MYO1E: variants seen among roughly 807,000 people sequenced by gnomAD.
MYO1E encodes myosin IE, also known as unconventional myosin-Ie.
A neutral mutation model predicts 151.1 loss-of-function variants in MYO1E; 68 were observed. The observed-to-expected ratio is 0.45, with a 90% confidence interval of 0.37 to 0.55. MYO1E has a LOEUF of 0.55. Among genes scored for constraint, MYO1E ranks in the 20% least tolerant of loss-of-function variants. The probability of loss-of-function intolerance (pLI) is 0.00; values close to 1 mark genes in which losing one functional copy is unlikely to be tolerated. For missense variants in MYO1E, 1,363 were observed against 1,389.3 expected (o/e 0.98, Z 0.30); for synonymous variants, 601 against 501.7 (o/e 1.20, Z -2.64).
intron 27 of MYO1E, among the ~76,000 whole-genome samples, chr15:59,137,773 G>A (rs2079382012): frequency 6.6e-6 from 1 of 152,202 alleles, no homozygotes; most frequent in Non-Finnish European, 1.5e-5. Context: ...GCCCCTACCA[G>A]GTCTCATCCT....
chr15:59,240,384 G>GT (rs2080092682), intron 4 of MYO1E, among the ~76,000 whole-genome samples: 1 of 151,460 alleles, frequency 6.6e-6, no homozygotes, highest in Non-Finnish European at 1.5e-5. Context: ...GTGTCTGTGT[G>GT]TGGGGGGGGT....
chr15:59,333,860 T>C (rs187391377), intron 1 of MYO1E, among the ~76,000 whole-genome samples: 2 of 152,322 alleles, frequency 1.3e-5, no homozygotes, highest in African/African-American at 4.8e-5. Flanking sequence ...TATATCCTCA[T>C]AGGAAAGAGC....
At chr15:59,342,443 GTTTTC>G (rs370521868) in intron 1 of MYO1E, among the ~76,000 whole-genome samples, 1 of 152,230 alleles carries the variant, frequency 6.6e-6, no homozygotes, top group African/African-American at 2.4e-5. Flanking sequence ...TCTTCCCAAT[GTTTTC>G]TTTTAGTAGT....
chr15:59,364,120 A>C (rs2080900282), intron 1 of MYO1E, among the ~76,000 whole-genome samples: 1 of 152,136 alleles, frequency 6.6e-6, no homozygotes, highest in Non-Finnish European at 1.5e-5. Context: ...TGCCATGGCA[A>C]TGTCTTCTCT....
At position 59,224,704 on chromosome 15, in the gene MYO1E, C is replaced by T. The variant is rs1168188306; in HGVS notation, c.762G>A (p.Glu254=). The T allele has an allele frequency of 5.0e-6, 8 of 1,614,238 alleles. No homozygotes were observed. The highest frequency in any genetic ancestry group is 6.8e-6 in the Non-Finnish European group (8 of 1,180,042). Residue 254 remains glutamate (E), a synonymous_variant, in exon 8 of 28, where the codon GAG becomes GAA. Coordinates refer to ENST00000288235, the MANE Select transcript of MYO1E (RefSeq NM_004998.4). Reference sequence around the variant, plus strand: ...CAGCACTTACCAGAGTTTCCTGAAACTCCCGCCTGTCGTCAATGTCATCAA... The same window carrying T: ...CAGCACTTACCAGAGTTTCCTGAAATTCCCGCCTGTCGTCAATGTCATCAA... ...YKVDDIDDRR[E]FQETLHAMNV...
chr15:59,371,422 A>G (rs879677438), intron 1 of MYO1E, among the ~76,000 whole-genome samples: 52 of 131,122 alleles, frequency 4.0e-4, no homozygotes, highest in Non-Finnish European at 6.6e-4. Flanking sequence ...GAAACTATGA[A>G]GCCTTGTAAT....
chr15:59,361,440 G>A (rs983545879), intron 1 of MYO1E, among the ~76,000 whole-genome samples: 1 of 152,082 alleles, frequency 6.6e-6, no homozygotes, highest in Non-Finnish European at 1.5e-5. Context: ...CTATTGATGC[G>A]ACTGTATGTC....
chr15:59,313,750 G>A (rs2080567862), intron 1 of MYO1E, among the ~76,000 whole-genome samples: 2 of 152,156 alleles, frequency 1.3e-5, no homozygotes, highest in South Asian at 2.1e-4. Context: ...ATGCATTCAC[G>A]AAGAGAAAAA....
chr15:59,152,059 T>G, intron 26 of MYO1E, among the ~76,000 whole-genome samples: 1 of 149,772 alleles, frequency 6.7e-6, no homozygotes. Context: ...CGAGTGAGAC[T>G]CCGTCTAAAA....
At chr15:59,142,026 G>A (rs1596339193) in intron 26 of MYO1E, among the ~76,000 whole-genome samples, 1 of 151,632 alleles carries the variant, frequency 6.6e-6, no homozygotes, top group Non-Finnish European at 1.5e-5. Flanking sequence ...AGAATGGCGT[G>A]AACCAGGGAG....
At chr15:59,206,392 T>C (rs1255714067) in intron 14 of MYO1E, among the ~76,000 whole-genome samples, 12 of 152,122 alleles carry the variant, frequency 7.9e-5, no homozygotes, top group African/African-American at 2.9e-4. Flanking sequence ...TGTCCCAGGG[T>C]GGGTCCTGGC....
At chr15:59,152,732 A>G (rs36047989) in intron 26 of MYO1E, among the ~76,000 whole-genome samples, 13,389 of 152,194 alleles carry the variant, frequency 0.088, 780 homozygotes, top group Non-Finnish European at 0.13. Flanking sequence ...GCTCAGAGAG[A>G]GCAAACAGCA....
In MYO1E at chr15:59,265,383, G is replaced by A. The variant is rs546671316; in HGVS notation, c.148-3874C>T. Among the ~76,000 whole-genome samples the A allele has an allele frequency of 6.6e-5, 10 of 152,114 alleles. No homozygotes were observed. The South Asian group carries it at 2.1e-3, about 32-fold the overall frequency. ...TCAGTTGCATATGAGCTCCTAAAGT[G>A]ACCAACATTTTAAAAACTGTTAATT... On this transcript the variant is annotated intron_variant, in intron 2 of 27. Transcript: ENST00000288235.
chr15:59,251,627 T>G (rs1269765210), intron 4 of MYO1E, among the ~76,000 whole-genome samples: 1 of 152,222 alleles, frequency 6.6e-6, no homozygotes, highest in African/African-American at 2.4e-5. Context: ...GTGGAAATAT[T>G]TAGGGGTAAA....
intron 1 of MYO1E, among the ~76,000 whole-genome samples, chr15:59,314,780 C>G (rs931877971): frequency 4.7e-4 from 71 of 152,128 alleles, no homozygotes; most frequent in African/African-American, 1.7e-3. Context: ...ACCTCCACAA[C>G]AAATAACTCT....
intron 26 of MYO1E, among the ~76,000 whole-genome samples, 156 bp from the exon 27 acceptor site, chr15:59,138,523 G>A (rs2079388163): frequency 6.6e-6 from 1 of 152,212 alleles, no homozygotes; most frequent in African/African-American, 2.4e-5. Context: ...CTTTAAACTT[G>A]AGGAATAAAA....
chr15:59,220,562 T>C (rs1276987140), intron 9 of MYO1E, among the ~76,000 whole-genome samples: 1 of 152,180 alleles, frequency 6.6e-6, no homozygotes, highest in African/African-American at 2.4e-5. Context: ...ATTTTTTTTC[T>C]GCACTGCAAG....
At chr15:59,306,026 C>T (rs8034913) in intron 1 of MYO1E, among the ~76,000 whole-genome samples, 21,964 of 152,126 alleles carry the variant, frequency 0.14, 2,430 homozygotes, top group African/African-American at 0.31. Context: ...AAACACATGC[C>T]ACAGTAACAA....
chr15:59,317,380 A>C (rs2140414589), intron 1 of MYO1E, among the ~76,000 whole-genome samples: 1 of 152,344 alleles, frequency 6.6e-6, no homozygotes, highest in Admixed American at 6.5e-5. Flanking sequence ...AGTAGAATTT[A>C]ATCTGGCATG....
Sources: allele counts gnomAD v4.1 joint callset (sites outside exome capture counted in the v4.1 genomes callset), GRCh38; gene constraint gnomAD v4.1.1; transcripts MANE v1.5; gene names NCBI Gene and HGNC (gene_info 2026-07-23, HGNC 2026-07-21).